The following FGF13 variants were observed in gnomAD, a reference collection of about 807,000 sequenced individuals.
FGF13 encodes the protein fibroblast growth factor homologous factor 2.
Under a neutral mutation model 19.5 loss-of-function variants are expected in FGF13, and 2 were observed. That is an observed-to-expected ratio of 0.10 (90% confidence interval 0.04 to 0.32). FGF13 has a LOEUF of 0.32. Ranked by LOEUF, FGF13 falls within the 10% of genes least tolerant of loss-of-function variation. FGF13 has a pLI of 1.00. For missense variants in FGF13, 113 were observed against 192.7 expected (o/e 0.59, Z 2.45); for synonymous variants, 72 against 76.9 (o/e 0.94, Z 0.33).
chrX:138,641,902 T>C (rs2089255024), intron 3 of FGF13, among the ~76,000 whole-genome samples: 1 of 111,759 alleles, frequency 8.9e-6, no homozygotes, highest in Non-Finnish European at 1.9e-5. Flanking sequence ...GGGCAGCTCC[T>C]AACATAAGGG....
At chrX:138,979,387 T>C (rs1333594967) in intron 1 of FGF13, among the ~76,000 whole-genome samples, 1 of 110,653 alleles carries the variant, frequency 9.0e-6, no homozygotes, top group Non-Finnish European at 1.9e-5. Flanking sequence ...GAGGAGTAGA[T>C]AAGATCAGAG....
At chrX:138,880,118 A>G (rs1385240978) in intron 1 of FGF13, among the ~76,000 whole-genome samples, 1 of 112,505 alleles carries the variant, frequency 8.9e-6, no homozygotes, top group Non-Finnish European at 1.9e-5. Context: ...ATGCAGATCA[A>G]AACCACAGTG....
intron 1 of FGF13, among the ~76,000 whole-genome samples, chrX:139,085,660 T>C (rs2083399091): frequency 8.9e-6 from 1 of 111,887 alleles, no homozygotes; most frequent in African/African-American, 3.2e-5. Flanking sequence ...ATCATAGATA[T>C]AGGCACAAAT....
chrX:138,739,149 G>A (rs917943027), intron 1 of FGF13: 1 of 548,694 alleles, frequency 1.8e-6, no homozygotes, highest in Non-Finnish European at 3.1e-6. Context: ...AAAGATCCCT[G>A]GTATAATTTT....
At chrX:138,654,277 G>A (rs1017084393) in intron 3 of FGF13, among the ~76,000 whole-genome samples, 2 of 112,513 alleles carry the variant, frequency 1.8e-5, no homozygotes, top group Admixed American at 1.9e-4. Context: ...ATGAATGGCA[G>A]TATTTTAGAA....
intron 1 of FGF13, among the ~76,000 whole-genome samples, chrX:139,074,897 C>T (rs1487038923): frequency 9.0e-6 from 1 of 111,667 alleles, no homozygotes. Context: ...CTTCACATAC[C>T]CTTGTCTAAA....
At chrX:138,708,167 T>C (rs2090009761) in intron 2 of FGF13, among the ~76,000 whole-genome samples, 1 of 112,509 alleles carries the variant, frequency 8.9e-6, no homozygotes, top group African/African-American at 3.2e-5. Flanking sequence ...AACATGTAAT[T>C]AAAGGTTACG....
chrX:139,140,768 T>A (rs1238067565), intron 1 of FGF13, among the ~76,000 whole-genome samples: 4 of 110,770 alleles, frequency 3.6e-5, no homozygotes, highest in Non-Finnish European at 7.5e-5. Flanking sequence ...ACATGAAAAC[T>A]AAAATCCTTA....
intron 3 of FGF13, among the ~76,000 whole-genome samples, chrX:138,804,999 A>C (rs1294144072): frequency 8.9e-6 from 1 of 111,919 alleles, no homozygotes; most frequent in Non-Finnish European, 1.9e-5. Context: ...GTTAATACTA[A>C]ATGGTATCAT....
upstream of FGF13, among the ~76,000 whole-genome samples, chrX:138,713,431 G>A (rs1475984477): frequency 9.0e-6 from 1 of 111,457 alleles, no homozygotes; most frequent in African/African-American, 3.3e-5. Flanking sequence ...ATTTGGGGTG[G>A]GTGATGAACA....
intron 1 of FGF13, among the ~76,000 whole-genome samples, chrX:138,877,210 G>A (rs1297650609): frequency 9.2e-6 from 1 of 108,395 alleles, no homozygotes; most frequent in Non-Finnish European, 1.9e-5. Context: ...CAAACTGCAC[G>A]TTCTGCACAT....
chrX:138,618,289 C>G lies in FGF13; in HGVS notation c.*14561G>C, dbSNP rs1416288395. ...CAGAACTCAACACCAAGAGATACAACTTTGACTCATGATTTCTCCATTGGG... is the reference window on the plus strand; with the variant it reads ...CAGAACTCAACACCAAGAGATACAAGTTTGACTCATGATTTCTCCATTGGG... On this transcript the variant is annotated 3_prime_UTR_variant, in exon 5 of 5. Transcript: ENST00000315930. 9.0e-6 allele frequency: 1 copy of G among 111,711 alleles called. No individual in the cohort carries two copies. Among genetic ancestry groups the G allele is most frequent in the African/African-American group, 3.3e-5 (1 of 30,658 alleles). 9.2% of individuals were successfully genotyped at this position (111,711 alleles called of 1,213,427 possible).
intron 3 of FGF13, among the ~76,000 whole-genome samples, chrX:138,646,600 G>A (rs1346253385): frequency 9.0e-6 from 1 of 111,478 alleles, no homozygotes; most frequent in Non-Finnish European, 1.9e-5. Context: ...CTAGATCATG[G>A]CATGAAAAGT....
intron 1 of FGF13, among the ~76,000 whole-genome samples, chrX:138,732,853 C>T (rs1381644617): frequency 9.0e-6 from 1 of 111,100 alleles, no homozygotes; most frequent in African/African-American, 3.3e-5. Context: ...AGAATACTTA[C>T]AGAAGTGAGA....
intron 1 of FGF13, among the ~76,000 whole-genome samples, chrX:138,914,976 C>A (rs1384047445): frequency 9.0e-6 from 1 of 111,058 alleles, no homozygotes; most frequent in Non-Finnish European, 1.9e-5. Flanking sequence ...CATTCTCTGG[C>A]CCCAGAAGCT....
chrX:138,846,424 C>T (rs967863983), intron 3 of FGF13, among the ~76,000 whole-genome samples: 3 of 111,668 alleles, frequency 2.7e-5, no homozygotes, highest in African/African-American at 6.5e-5. Context: ...GGGCAAGTCA[C>T]CTGTGCTCAT....
chrX:138,895,334 C>T (rs1215765367), intron 1 of FGF13, among the ~76,000 whole-genome samples: 1 of 111,834 alleles, frequency 8.9e-6, no homozygotes, highest in Non-Finnish European at 1.9e-5. Context: ...GGGTTAATAT[C>T]TAAAATGTAT....
intron 3 of FGF13, among the ~76,000 whole-genome samples, chrX:138,803,653 T>C (rs956141920): frequency 6.2e-5 from 7 of 112,058 alleles, no homozygotes; most frequent in African/African-American, 2.3e-4. Flanking sequence ...CCCCAGAGTG[T>C]GATGTTTTAG....
intron 1 of FGF13, among the ~76,000 whole-genome samples, chrX:138,867,028 T>C (rs917323502): frequency 7.2e-5 from 8 of 111,523 alleles, no homozygotes; most frequent in African/African-American, 2.6e-4. Flanking sequence ...CCAAACTGAA[T>C]CTCGACGTTT....
Sources: allele counts gnomAD v4.1 joint callset (sites outside exome capture counted in the v4.1 genomes callset), GRCh38; gene constraint gnomAD v4.1.1; transcripts MANE v1.5; gene names NCBI Gene and HGNC (gene_info 2026-07-23, HGNC 2026-07-21).